PIP4K2B: variants seen among roughly 807,000 people sequenced by gnomAD.
PIP4K2B encodes phosphatidylinositol 5-phosphate 4-kinase type-2 beta.
PIP4K2B carries 3 observed loss-of-function variants against 42.0 expected under a neutral mutation model. The ratio of observed to expected loss-of-function variants is 0.07; its 90% confidence interval spans 0.03 to 0.18. PIP4K2B has a LOEUF of 0.18. Ranked by LOEUF, PIP4K2B falls within the 10% of genes least tolerant of loss-of-function variation. The pLI, the probability that PIP4K2B is intolerant of heterozygous loss-of-function variation, is 1.00. For missense variants in PIP4K2B, 332 were observed against 562.3 expected, an observed-to-expected ratio of 0.59 and a Z score of 4.14; for synonymous variants, 204 against 210.1, an observed-to-expected ratio of 0.97 and a Z score of 0.25.
chr17:38,775,434 AGAGAC>A, intron 7 of PIP4K2B, among the ~76,000 whole-genome samples: 2 of 152,198 alleles, frequency 1.3e-5, no homozygotes, highest in Middle Eastern at 3.4e-3. Context: ...AATTTTTTGT[AGAGAC>A]AGGATCTCAG....
At chr17:38,769,856 A>G in intron 9 of PIP4K2B, 85 bp from the exon 10 acceptor site, 1 of 1,254,422 alleles carries the variant, frequency 8.0e-7, no homozygotes, top group Middle Eastern at 1.9e-4. Context: ...GGTATTCAGA[A>G]GCCTCTTACT....
intron 1 of PIP4K2B, among the ~76,000 whole-genome samples, chr17:38,789,950 C>G (rs570787050): frequency 4.8e-4 from 72 of 151,058 alleles, no homozygotes; most frequent in Non-Finnish European, 6.6e-4. Context: ...GGCCAGGGGG[C>G]GGGGGGTGCT....
At position 38,767,344 on chromosome 17, in the gene PIP4K2B, G is replaced by C. The variant is rs1908757066; in HGVS notation, c.*2347C>G. On this transcript the variant is annotated 3_prime_UTR_variant, in exon 10 of 10. Coordinates refer to ENST00000619039, the MANE Select transcript of PIP4K2B (RefSeq NM_003559.5). ...TAAACATTTGAATGCCAAAAATTGG[G>C]GGCCAAACTCAAGGTTTTGAAGATA... 1 of 151,766 alleles carries C rather than the reference G, an allele frequency of 6.6e-6. No individual in the cohort carries two copies. The allele number at this position is 151,766 out of a possible 1,614,324, so 9.4% of individuals were successfully genotyped here.
Position 38,766,491 on chromosome 17 carries a change from T to C in PIP4K2B, c.*3200A>G, listed in dbSNP as rs1325690430. ...CCCCAAGGTATGCCCTGGCAGACCA[T>C]GAAGACAGGAAAGGCAGGGCAGGAG... On this transcript the variant is annotated 3_prime_UTR_variant, in exon 10 of 10. Transcript: ENST00000619039. 6.6e-6 allele frequency: 1 copy of C among 152,610 alleles called. No homozygotes were observed. Among genetic ancestry groups the C allele is most frequent in the African/African-American group, 2.4e-5 (1 of 41,406 alleles). The allele number at this position is 152,610 out of a possible 1,614,324, so 9.5% of individuals were successfully genotyped here.
intron 7 of PIP4K2B, among the ~76,000 whole-genome samples, chr17:38,772,022 C>T (rs945834099): frequency 6.6e-6 from 1 of 151,924 alleles, no homozygotes; most frequent in African/African-American, 2.4e-5. Context: ...AGAGTGAGAC[C>T]CTGTCTCTTG....
rs570626385 is a variant in PIP4K2B at position 38,774,695 on chromosome 17, G to A, written c.807+2992C>T. 1.0e-3 allele frequency among the ~76,000 whole-genome samples: 156 copies of A among 151,872 alleles called. 1 individual carries two copies. Among genetic ancestry groups the A allele is most frequent in the Middle Eastern group, 3.4e-3 (1 of 292 alleles). ...TGAGGCAGGAGAATGGCGTGAACCCGGGAGGCGGAGCTTGCAGTGAGCCAA... is the reference window on the plus strand; with the variant it reads ...TGAGGCAGGAGAATGGCGTGAACCCAGGAGGCGGAGCTTGCAGTGAGCCAA... On this transcript the variant is annotated intron_variant, in intron 7 of 9. Coordinates refer to ENST00000619039, the MANE Select transcript of PIP4K2B (RefSeq NM_003559.5).
At chr17:38,784,124 G>A (rs1334549661) in intron 3 of PIP4K2B, 119 bp downstream of exon 3, 1 of 652,066 alleles carries the variant, frequency 1.5e-6, no homozygotes, top group Non-Finnish European at 2.7e-6. Context: ...GCTGGAGCAA[G>A]GCATGACAGG....
intron 7 of PIP4K2B, among the ~76,000 whole-genome samples, chr17:38,774,494 C>T (rs554805198): frequency 5.9e-5 from 9 of 152,040 alleles, no homozygotes; most frequent in Non-Finnish European, 1.2e-4. Flanking sequence ...TAGGGCCGGG[C>T]GTGGTGGCTC....
At chr17:38,776,680 A>G (rs1476910910) in intron 7 of PIP4K2B, 5 of 406,608 alleles carry the variant, frequency 1.2e-5, no homozygotes, top group Non-Finnish European at 2.4e-5. Flanking sequence ...TATTATATGT[A>G]TTTTACCACA....
Position 38,799,394 on chromosome 17 carries a change from C to G in PIP4K2B, c.31G>C (p.Val11Leu). ...CTGGCGCTGAGCGGCGCCACCGCCA[C>G]CGCCGTGGTGCTGGTGCAGTTGGAC... Reference protein sequence around the residue: MSSNCTSTTAVAVAPLSASKT... With the variant: MSSNCTSTTALAVAPLSASKT... The change falls in exon 1 of 10, where the codon GTG becomes CTG. Residue 11 changes from valine (V) to leucine (L), a missense_variant. By Grantham distance (32) the Val-to-Leu change is conservative. This residue lies in a region of PIP4K2B where 186 missense variants were observed against 288.4 expected (regional missense o/e 0.64). Transcript: ENST00000619039. This position sits in a 1 kb window ranked among gnomAD's most constrained non-coding sequence, Gnocchi z 4.4. 1 of 1,605,664 alleles carries G rather than the reference C, an allele frequency of 6.2e-7. No individual in the cohort carries two copies. Among genetic ancestry groups the G allele is most frequent in the Non-Finnish European group, 8.5e-7 (1 of 1,177,902 alleles).
chr17:38,785,032 C>A (rs1192067876), intron 2 of PIP4K2B, among the ~76,000 whole-genome samples: 3 of 152,208 alleles, frequency 2.0e-5, no homozygotes, highest in Non-Finnish European at 4.4e-5. Flanking sequence ...TGGGCTTCCA[C>A]TGGGACGTAG....
intron 7 of PIP4K2B, among the ~76,000 whole-genome samples, chr17:38,775,199 T>C (rs1487394961): frequency 1.1e-4 from 16 of 152,088 alleles, no homozygotes; most frequent in Admixed American, 1.0e-3. Context: ...GTGATCCGCC[T>C]GCCTTGGCCT....
Position 38,799,460 on chromosome 17 carries a change from G to C in PIP4K2B, c.-36C>G. 2 of 1,532,980 alleles carry C rather than the reference G, an allele frequency of 1.3e-6. No individual in the cohort carries two copies. Among genetic ancestry groups the C allele is most frequent in the Non-Finnish European group, 1.7e-6 (2 of 1,147,996 alleles). 95.0% of individuals were successfully genotyped at this position (1,532,980 alleles called of 1,614,324 possible). A position where few individuals can be genotyped will look rare whatever the true frequency, so the allele number is the denominator to read the frequency against. ...GCGGCGGCGGCGGCGAAAGAGGGGG[G>C]CGGCGGAGACAGCGCACAAGCCAGC... is the stretch of plus-strand genomic sequence containing the variant. On this transcript the variant is annotated 5_prime_UTR_variant, in exon 1 of 10. Transcript: ENST00000619039. The surrounding 1 kb of genome is among the most constrained non-coding windows in gnomAD (Gnocchi z 4.4).
intron 5 of PIP4K2B, 89 bp from the exon 6 acceptor site, chr17:38,778,461 G>C: frequency 8.2e-7 from 1 of 1,218,250 alleles, no homozygotes; most frequent in South Asian, 1.2e-5. Context: ...GTGAACTCAA[G>C]TAGGCTTGTT....
Position 38,771,125 on chromosome 17 carries a change from A to T in PIP4K2B, c.955T>A (p.Ser319Thr), listed in dbSNP as rs770110182. ...GGGCTGTCCGGAGGTGTGCCATAGG[A>T]GCAGAGTAGGTTGCCACCCACCCCA... Reference protein sequence around the residue: ...NDGVGGNLLCSYGTPPDSPGN... With the variant: ...NDGVGGNLLCTYGTPPDSPGN... The change falls in exon 8 of 10, where the codon TCC becomes ACC. Residue 319 changes from serine (S) to threonine (T), a missense_variant. By Grantham distance (58) the Ser-to-Thr change is moderately conservative. This residue lies in a region of PIP4K2B where 63 missense variants were observed against 71.6 expected (regional missense o/e 0.88). Transcript: ENST00000619039. 6.2e-7 allele frequency: 1 copy of T among 1,614,064 alleles called. No individual in the cohort carries two copies.
chr17:38,769,863 TACTC>T (rs1908910693), intron 9 of PIP4K2B, 92 bp from the exon 10 acceptor site: 3 of 1,196,038 alleles, frequency 2.5e-6, no homozygotes, highest in African/African-American at 1.5e-5. Flanking sequence ...AGAAGCCTCT[TACTC>T]AGTATCAGAG....
intron 6 of PIP4K2B, 142 bp from the exon 7 acceptor site, chr17:38,777,942 T>G: frequency 1.6e-6 from 1 of 630,820 alleles, no homozygotes; most frequent in Non-Finnish European, 2.8e-6. Flanking sequence ...AAATCAGCAG[T>G]GCAGGAGCCT....
rs1437626304 is a variant in PIP4K2B, at chr17:38,779,516, C to A, written c.521G>T (p.Cys174Phe). ...LKKYHQFIVE[C>F]HGNTLLPQFL... is the part of the protein sequence containing the mutation. ...CTGTGGCAAAAGCGTGTTGCCATGA[C>A]ACTCCACTATAAACTAGAATGGAAA... Residue 174 changes from cysteine to phenylalanine, a missense_variant, in exon 5 of 10, where the codon TGT becomes TTT. This residue lies in a region of PIP4K2B where 186 missense variants were observed against 288.4 expected (regional missense o/e 0.64). Coordinates refer to ENST00000619039, the MANE Select transcript of PIP4K2B (RefSeq NM_003559.5). The A allele has an allele frequency of 1.2e-6, 2 of 1,613,886 alleles. No homozygotes were observed. Among genetic ancestry groups the A allele is most frequent in the Non-Finnish European group, 1.7e-6 (2 of 1,179,740 alleles).
intron 2 of PIP4K2B, among the ~76,000 whole-genome samples, chr17:38,785,775 T>C (rs1015298986): frequency 6.6e-6 from 1 of 152,128 alleles, no homozygotes; most frequent in African/African-American, 2.4e-5. Context: ...GTTCTCTGCT[T>C]TAGGCCAAGA....
Sources: allele counts gnomAD v4.1 joint callset (sites outside exome capture counted in the v4.1 genomes callset), GRCh38; gene constraint gnomAD v4.1.1; regional missense constraint gnomAD v4.1.1; non-coding constraint Gnocchi (gnomAD v3.1); transcripts MANE v1.5; gene names NCBI Gene and HGNC (gene_info 2026-07-23, HGNC 2026-07-21).